Variants in AGAP1 observed in about 807,000 individuals in gnomAD.
AGAP1 encodes the protein ArfGAP with GTPase domain, ankyrin repeat and PH domain 1, also known as arf-GAP with GTPase, ANK repeat and PH domain-containing protein 1.
In AGAP1, 29 loss-of-function variants were observed where a neutral mutation model predicts 105.3. The observed-to-expected ratio is 0.28, with a 90% CI of 0.21 to 0.38. The LOEUF (loss-of-function observed/expected upper bound fraction) is 0.38. AGAP1 is among the 10% of genes least tolerant of loss of function. The pLI, the probability that AGAP1 is intolerant of heterozygous loss-of-function variation, is 1.00. For missense variants in AGAP1, 998 were observed against 1,165.1 expected (o/e 0.86, Z 2.09); for synonymous variants, 509 against 485.9 (o/e 1.05, Z -0.63).
rs933471193 is a variant in AGAP1, at chr2:235,801,531, G to A, written c.957+2009G>A. 6.6e-6 allele frequency among the ~76,000 whole-genome samples: 1 copy of A among 152,120 alleles called. No homozygotes were observed. The highest frequency in any genetic ancestry group is 2.4e-5 in the African/African-American group (1 of 41,394). The stretch of plus-strand genomic sequence containing the variant: ...TTCACACACACCGAGAACAGCAGCA[G>A]TCACCTAAATAGCTGCTTCCCAGCT... On this transcript the variant is annotated intron_variant, in intron 8 of 17. Transcript: ENST00000304032. This position sits in a 1 kb window ranked among gnomAD's most constrained non-coding sequence, Gnocchi z 6.0.
At chr2:236,063,929 A>G (rs561356195) in intron 16 of AGAP1, among the ~76,000 whole-genome samples, 1 of 152,320 alleles carries the variant, frequency 6.6e-6, no homozygotes, top group African/African-American at 2.4e-5. Context: ...CACTCATATA[A>G]AAAGCATCTC....
At position 235,793,153 on chromosome 2, in the gene AGAP1, G is replaced by A. The variant is rs970768623; in HGVS notation, c.674-4606G>A. On this transcript the variant is annotated intron_variant, in intron 6 of 17. Coordinates refer to ENST00000304032, the MANE Select transcript of AGAP1 (RefSeq NM_001037131.3). The surrounding 1 kb of genome is among the most constrained non-coding windows in gnomAD (Gnocchi z 5.3). ...CCAGGAAGGTGCGACCTAGCCTCTG[G>A]ACCACTCCCAGTGACCATGGCAATG... is the stretch of plus-strand genomic sequence containing the variant. 6.6e-6 allele frequency among the ~76,000 whole-genome samples: 1 copy of A among 152,110 alleles called. No individual in the cohort carries two copies. Among genetic ancestry groups the A allele is most frequent in the Non-Finnish European group, 1.5e-5 (1 of 68,034 alleles).
chr2:235,626,959 A>T (rs1283117309), intron 1 of AGAP1, among the ~76,000 whole-genome samples: 1 of 151,276 alleles, frequency 6.6e-6, no homozygotes, highest in Non-Finnish European at 1.5e-5. Context: ...TTTGAAATCC[A>T]CTGATAGTGG....
chr2:235,706,088 A>G (rs1000444979), intron 1 of AGAP1, among the ~76,000 whole-genome samples: 2 of 152,222 alleles, frequency 1.3e-5, no homozygotes, highest in African/African-American at 4.8e-5. Flanking sequence ...ATGAAAGGAA[A>G]ATCATCTCAT....
intron 10 of AGAP1, among the ~76,000 whole-genome samples, chr2:235,894,326 T>G (rs899917476): frequency 1.3e-5 from 2 of 152,144 alleles, no homozygotes; most frequent in Non-Finnish European, 2.9e-5. Flanking sequence ...GAGCCTACAC[T>G]CACATCCTTG....
In AGAP1 at chr2:235,551,472, A is replaced by AT. The variant is rs71064856; in HGVS notation, c.163+56631dup. Among the ~76,000 whole-genome samples, 37,151 of 151,678 alleles carry AT rather than the reference A, an allele frequency of 0.24. 5,076 individuals carry two copies. Among genetic ancestry groups the AT allele is most frequent in the East Asian group, 0.44 (2,226 of 5,100 alleles). On this transcript the variant is annotated intron_variant, in intron 1 of 17. Coordinates refer to ENST00000304032, the MANE Select transcript of AGAP1 (RefSeq NM_001037131.3). This position sits in a 1 kb window ranked among gnomAD's most constrained non-coding sequence, Gnocchi z 4.8. ...AGGTGCGCAGCACCACACCTGGCTG[A>AT]TTTTTTTTGTAGAGACGGGTCGTCC...
chr2:235,914,294 C>T (rs571940205), intron 11 of AGAP1, among the ~76,000 whole-genome samples: 8 of 152,282 alleles, frequency 5.3e-5, no homozygotes, highest in African/African-American at 1.2e-4. Context: ...CTGTGCCATT[C>T]GTCTCCATTG....
Position 236,051,693 on chromosome 2 carries a change from C to T in AGAP1, c.2114+2412C>T, listed in dbSNP as rs566424431. ...TGAGCCAGGGCTGGCACCTTAAAAG[C>T]GACCCTGGGGGCAGGGGAGAGGGGA... On this transcript the variant is annotated intron_variant, in intron 16 of 17. Transcript: ENST00000304032. This position sits in a 1 kb window ranked among gnomAD's most constrained non-coding sequence, Gnocchi z 5.9. Among the ~76,000 whole-genome samples, 2 of 152,256 alleles carry T rather than the reference C, an allele frequency of 1.3e-5. No individual in the cohort carries two copies. Among genetic ancestry groups the T allele is most frequent in the African/African-American group, 4.8e-5 (2 of 41,552 alleles).
At position 236,040,613 on chromosome 2, in the gene AGAP1, A is replaced by G. The variant is rs1254262445; in HGVS notation, c.1801-138A>G. On this transcript the variant is annotated intron_variant, in intron 14 of 17. Transcript: ENST00000304032. The surrounding 1 kb of genome is among the most constrained non-coding windows in gnomAD (Gnocchi z 5.6). ...GTTATGCTCTTTCCCAAAGACATCA[A>G]AACAAGAGTGATTGTTTAGAAATTA... 1.8e-6 allele frequency: 1 copy of G among 562,600 alleles called. No homozygotes were observed. Among genetic ancestry groups the G allele is most frequent in the African/African-American group, 2.1e-5 (1 of 48,132 alleles). 34.9% of individuals were successfully genotyped at this position (562,600 alleles called of 1,614,324 possible).
chr2:235,869,634 T>C (rs907462204), intron 9 of AGAP1, among the ~76,000 whole-genome samples: 1 of 152,064 alleles, frequency 6.6e-6, no homozygotes, highest in African/African-American at 2.4e-5. Flanking sequence ...CCTTATTGTT[T>C]ATCATGATTC....
At chr2:235,509,511 G>A (rs182974712) in intron 1 of AGAP1, among the ~76,000 whole-genome samples, 1 of 151,982 alleles carries the variant, frequency 6.6e-6, no homozygotes, top group Admixed American at 6.6e-5. Context: ...GGGATTACAG[G>A]TGTGAGCCAC....
chr2:235,693,078 C>T (rs1378876877), intron 1 of AGAP1, among the ~76,000 whole-genome samples: 2 of 152,094 alleles, frequency 1.3e-5, no homozygotes, highest in Admixed American at 6.5e-5. Context: ...GCAGTCACCA[C>T]TGGGGAAGGC....
rs574453473 is a variant in AGAP1, at chr2:236,080,945, T to G, written c.2114+31664T>G. On this transcript the variant is annotated intron_variant, in intron 16 of 17. Transcript: ENST00000304032. This position sits in a 1 kb window ranked among gnomAD's most constrained non-coding sequence, Gnocchi z 4.2. ...CTCTCCCCTCTCAAGGGCCTTGTCT[T>G]AACCGTATCTGCAGTTAGGTTGCCA... 4.6e-5 allele frequency among the ~76,000 whole-genome samples: 7 copies of G among 152,222 alleles called. No individual in the cohort carries two copies. The highest frequency in any genetic ancestry group is 8.8e-5 in the Non-Finnish European group (6 of 68,040).
chr2:235,917,838 C>A lies in AGAP1; in HGVS notation c.1324+8932C>A, dbSNP rs568363555. Among the ~76,000 whole-genome samples, 5 of 152,282 alleles carry A rather than the reference C, an allele frequency of 3.3e-5. No homozygotes were observed. In the East Asian group the frequency reaches 7.7e-4, roughly 24 times the overall value. The stretch of plus-strand genomic sequence containing the variant: ...TTGGCGGTACTTAAGGATACATTAT[C>A]CCCGTTGTGTGGCCCGCAGAGGCTG... On this transcript the variant is annotated intron_variant, in intron 11 of 17. Transcript: ENST00000304032.
rs1304210969 is a variant in AGAP1 at position 235,623,841 on chromosome 2, G to T, written c.164-85338G>T. On this transcript the variant is annotated intron_variant, in intron 1 of 17. Transcript: ENST00000304032. The surrounding 1 kb of genome is among the most constrained non-coding windows in gnomAD (Gnocchi z 4.5). ...CTTAGTATTTGTAATGCAACAAAAGGTCAGAATTAATAAGGTGTAGTGCCC... is the reference window on the plus strand; with the variant it reads ...CTTAGTATTTGTAATGCAACAAAAGTTCAGAATTAATAAGGTGTAGTGCCC... 1.3e-5 allele frequency among the ~76,000 whole-genome samples: 2 copies of T among 152,044 alleles called. No homozygotes were observed. Among genetic ancestry groups the T allele is most frequent in the African/African-American group, 2.4e-5 (1 of 41,396 alleles).
At chr2:235,802,766 GTGA>G (rs1225081004) in intron 8 of AGAP1, among the ~76,000 whole-genome samples, 4 of 148,202 alleles carry the variant, frequency 2.7e-5, no homozygotes, top group Admixed American at 6.7e-5. Flanking sequence ...GGTTGTGGTT[GTGA>G]TGATGGTTGT....
At position 235,983,281 on chromosome 2, in the gene AGAP1, C is replaced by T. The variant is rs541028674; in HGVS notation, c.1645+14658C>T. On this transcript the variant is annotated intron_variant, in intron 13 of 17. Coordinates refer to ENST00000304032, the MANE Select transcript of AGAP1 (RefSeq NM_001037131.3). This position sits in a 1 kb window ranked among gnomAD's most constrained non-coding sequence, Gnocchi z 4.5. ...GGGAACATGGCTGGGAGGGCATCCA[C>T]CGGGGCAGGGGTCTGGGCAAGGGGC... is the stretch of plus-strand genomic sequence containing the variant. Among the ~76,000 whole-genome samples, 59 of 152,264 alleles carry T rather than the reference C, an allele frequency of 3.9e-4. No individual in the cohort carries two copies. Among genetic ancestry groups the T allele is most frequent in the African/African-American group, 1.4e-3 (59 of 41,564 alleles).
chr2:235,856,336 A>AT (rs1347748644), intron 9 of AGAP1, among the ~76,000 whole-genome samples: 1 of 152,230 alleles, frequency 6.6e-6, no homozygotes, highest in Non-Finnish European at 1.5e-5. Context: ...AGAAAATGTG[A>AT]TTCGCTTGGT....
intron 1 of AGAP1, among the ~76,000 whole-genome samples, chr2:235,657,421 C>G (rs1336098662): frequency 1.3e-5 from 2 of 152,100 alleles, no homozygotes; most frequent in African/African-American, 4.8e-5. Context: ...CTGTTGTCTC[C>G]TGGCTGGAGT....
Sources: gnomAD v4.1 joint callset for allele counts (sites outside exome capture counted in the v4.1 genomes callset) on GRCh38, gnomAD v4.1.1 for gene constraint, Gnocchi (gnomAD v3.1) non-coding constraint, MANE v1.5 for transcripts, NCBI Gene and HGNC (gene_info 2026-07-23, HGNC 2026-07-21) for gene names.